Variants in LRRFIP2 observed in about 807,000 individuals in gnomAD.
LRRFIP2 encodes leucine-rich repeat flightless-interacting protein 2.
Under a neutral mutation model 125.9 loss-of-function variants are expected in LRRFIP2, and 109 were observed. The ratio of observed to expected loss-of-function variants is 0.87; its 90% CI spans 0.74 to 1.01. LRRFIP2 has a LOEUF of 1.01. Ranked by LOEUF, LRRFIP2 falls within the 50% of genes least tolerant of loss-of-function variation. LRRFIP2 has a pLI of 0.00. For missense variants in LRRFIP2, 850 were observed against 862.3 expected (o/e 0.99, Z 0.18); for synonymous variants, 291 against 293.1 (o/e 0.99, Z 0.07).
At chr3:37,148,724 T>C (rs1486490706) in intron 2 of LRRFIP2, among the ~76,000 whole-genome samples, 170 bp downstream of exon 2, 3 of 152,258 alleles carry the variant, frequency 2.0e-5, no homozygotes, top group African/African-American at 7.2e-5. Flanking sequence ...GTTGATAATA[T>C]CCAACTATAT....
chr3:37,124,492 A>G (rs1283439618), intron 4 of LRRFIP2, among the ~76,000 whole-genome samples: 1 of 152,202 alleles, frequency 6.6e-6, no homozygotes, highest in Admixed American at 6.5e-5. Context: ...ACATGAGGGA[A>G]ACAGACCCTG....
intron 18 of LRRFIP2, among the ~76,000 whole-genome samples, chr3:37,088,297 A>T (rs551861921): frequency 6.6e-6 from 1 of 152,246 alleles, no homozygotes; most frequent in East Asian, 1.9e-4. Context: ...AACTCTTGAC[A>T]GTTCTTTCTG....
At position 37,105,503 on chromosome 3, in the gene LRRFIP2, T is replaced by C; in HGVS notation, c.735A>G (p.Ala245=). The change falls in exon 14 of 28, where the codon GCA becomes GCG. Residue 245 remains alanine, a synonymous_variant. Coordinates refer to ENST00000336686, the MANE Select transcript of LRRFIP2 (RefSeq NM_006309.4). ...TGGCACGATCAGAAGACACAATGCTTGCAGTGTCATCGTTGGTAAACTATA... is the reference window on the plus strand; with the variant it reads ...TGGCACGATCAGAAGACACAATGCTCGCAGTGTCATCGTTGGTAAACTATA... ...SSPGFTNDDT[A]SIVSSDRASR... is the part of the protein sequence containing the mutation. 1 of 1,613,632 alleles carries C rather than the reference T, an allele frequency of 6.2e-7. No individual in the cohort carries two copies. Among genetic ancestry groups the C allele is most frequent in the Non-Finnish European group, 8.5e-7 (1 of 1,179,548 alleles).
chr3:37,141,798 G>C (rs534943960), intron 2 of LRRFIP2, among the ~76,000 whole-genome samples: 3 of 152,256 alleles, frequency 2.0e-5, no homozygotes, highest in African/African-American at 7.2e-5. Context: ...TGATTCCTGA[G>C]TATCTATCCT....
At chr3:37,118,705 T>G (rs1397846752) in intron 6 of LRRFIP2, among the ~76,000 whole-genome samples, 2 of 152,186 alleles carry the variant, frequency 1.3e-5, no homozygotes, top group African/African-American at 2.4e-5. Flanking sequence ...AGGAGAAACC[T>G]AAAGTCCTAA....
Position 37,053,546 on chromosome 3 carries a change from G to A in LRRFIP2, c.*305C>T, listed in dbSNP as rs916652275. The A allele has an allele frequency of 5.4e-5, 17 of 316,716 alleles. No homozygotes were observed. The highest frequency in any genetic ancestry group is 8.4e-5 in the Non-Finnish European group (14 of 165,872). 19.6% of individuals were successfully genotyped at this position (316,716 alleles called of 1,614,324 possible). A position where few individuals can be genotyped will look rare whatever the true frequency, so the allele number is the denominator to read the frequency against. On this transcript the variant is annotated 3_prime_UTR_variant, in exon 28 of 28. Coordinates refer to ENST00000336686, the MANE Select transcript of LRRFIP2 (RefSeq NM_006309.4). The stretch of plus-strand genomic sequence containing the variant: ...CTCCAGAACCCGTGCCAAGGCCTCC[G>A]AGTGCCCAGTTACTGAGGCAGCTGG...
chr3:37,092,845 A>T (rs573886505), intron 17 of LRRFIP2, among the ~76,000 whole-genome samples: 8 of 142,014 alleles, frequency 5.6e-5, no homozygotes, highest in South Asian at 4.3e-4. Context: ...CCGACAATTT[A>T]TTTTTTTTTT....
intron 1 of LRRFIP2, among the ~76,000 whole-genome samples, chr3:37,155,456 A>G (rs1467925515): frequency 6.6e-6 from 1 of 152,346 alleles, no homozygotes; most frequent in East Asian, 1.9e-4. Context: ...TGCCTTGACT[A>G]TAATCATTTT....
intron 19 of LRRFIP2, among the ~76,000 whole-genome samples, chr3:37,081,911 A>G (rs2092677719): frequency 6.6e-6 from 1 of 150,660 alleles, no homozygotes; most frequent in Non-Finnish European, 1.5e-5. Context: ...AAAAAAAAAA[A>G]GGACAAGATT....
chr3:37,059,469 TCTTA>T (rs971539988), intron 24 of LRRFIP2, among the ~76,000 whole-genome samples: 62 of 152,346 alleles, frequency 4.1e-4, no homozygotes, highest in African/African-American at 1.2e-3. Flanking sequence ...GGTTAAATTT[TCTTA>T]CTTAGAAAAC....
intron 17 of LRRFIP2, among the ~76,000 whole-genome samples, chr3:37,092,248 A>G (rs2093484020): frequency 6.6e-6 from 1 of 152,238 alleles, no homozygotes; most frequent in Non-Finnish European, 1.5e-5. Context: ...ACCTTGTTAT[A>G]TAAGGTCTAT....
At position 37,169,797 on chromosome 3, in the gene LRRFIP2, G is replaced by A. The variant is rs374543273; in HGVS notation, c.-56+4742C>T. On this transcript the variant is annotated intron_variant, in intron 1 of 27. Transcript: ENST00000336686. ...TAATGAAGGAACACTAAGATATACA[G>A]GGTTCAAAATGAAAACAATGGAAAA... Among the ~76,000 whole-genome samples, 8 of 152,036 alleles carry A rather than the reference G, an allele frequency of 5.3e-5. No homozygotes were observed. The East Asian group carries it at 9.7e-4, about 18-fold the overall frequency.
rs1198938483 is a variant in LRRFIP2, at chr3:37,152,811, A to G, written c.-55-3773T>C. 2.0e-5 allele frequency among the ~76,000 whole-genome samples: 3 copies of G among 152,246 alleles called. 1 individual carries two copies. The highest frequency in any genetic ancestry group is 2.0e-4 in the Admixed American group (3 of 15,286). ...ATCTACTAAAAATAAGCAACATGCA[A>G]TGCAATGTTCCTTTTCAGACTAGAT... On this transcript the variant is annotated intron_variant, in intron 1 of 27. Transcript: ENST00000336686.
At chr3:37,149,580 T>G (rs2095956707) in intron 1 of LRRFIP2, among the ~76,000 whole-genome samples, 1 of 152,178 alleles carries the variant, frequency 6.6e-6, no homozygotes, top group Non-Finnish European at 1.5e-5. Context: ...CATCCCAGAA[T>G]GAAAAACATT....
chr3:37,079,568 A>G (rs2092441400), intron 19 of LRRFIP2, among the ~76,000 whole-genome samples: 1 of 152,178 alleles, frequency 6.6e-6, no homozygotes, highest in Non-Finnish European at 1.5e-5. Context: ...GCAAGGCCCC[A>G]TCTCTTAGAA....
chr3:37,133,989 C>T (rs1318524377), intron 2 of LRRFIP2, among the ~76,000 whole-genome samples: 3 of 151,926 alleles, frequency 2.0e-5, no homozygotes, highest in South Asian at 4.2e-4. Flanking sequence ...CAACACCAGC[C>T]TGGCCAATAT....
At chr3:37,083,976 T>C (rs1448638777) in intron 18 of LRRFIP2, among the ~76,000 whole-genome samples, 170 bp from the exon 19 acceptor site, 1 of 152,118 alleles carries the variant, frequency 6.6e-6, no homozygotes, top group Non-Finnish European at 1.5e-5. Flanking sequence ...AGGAAGACAA[T>C]AATAAGCCGA....
intron 19 of LRRFIP2, among the ~76,000 whole-genome samples, chr3:37,076,489 T>C (rs766453348): frequency 4.6e-5 from 7 of 152,038 alleles, no homozygotes; most frequent in Admixed American, 2.6e-4. Context: ...GATGGTGCCA[T>C]TGCACTCCAG....
chr3:37,071,204 T>C (rs1261941708), intron 21 of LRRFIP2, among the ~76,000 whole-genome samples: 2 of 152,236 alleles, frequency 1.3e-5, no homozygotes, highest in African/African-American at 4.8e-5. Context: ...GTAGCTTTTG[T>C]TCTTTAAATT....
Sources: allele counts gnomAD v4.1 joint callset (sites outside exome capture counted in the v4.1 genomes callset), GRCh38; gene constraint gnomAD v4.1.1; transcripts MANE v1.5; gene names NCBI Gene and HGNC (gene_info 2026-07-23, HGNC 2026-07-21).